The following KCNG2 variants were observed in gnomAD, a reference collection of about 807,000 sequenced individuals.
KCNG2 encodes the protein voltage-gated potassium channel regulatory subunit KCNG2.
A neutral mutation model predicts 12.3 loss-of-function variants in KCNG2; 7 were observed. The observed-to-expected ratio is 0.57, with a 90% CI of 0.32 to 1.07. The LOEUF is 1.07. Ranked by LOEUF, KCNG2 falls within the 50% of genes least tolerant of loss-of-function variation. KCNG2 has a pLI of 0.04. For missense variants in KCNG2, 703 were observed against 726.0 expected (o/e 0.97, Z 0.36); for synonymous variants, 414 against 351.4 (o/e 1.18, Z -1.99).
intron 1 of KCNG2, among the ~76,000 whole-genome samples, chr18:79,804,185 C>T (rs556595061): frequency 9.1e-4 from 138 of 152,326 alleles, no homozygotes; most frequent in African/African-American, 3.2e-3. Context: ...TCACTGCAGG[C>T]CTATGTGACC....
intron 3 of KCNG2, among the ~76,000 whole-genome samples, chr18:79,883,389 C>T (rs1018342146): frequency 6.6e-6 from 1 of 152,220 alleles, no homozygotes; most frequent in Non-Finnish European, 1.5e-5. Flanking sequence ...CTCTGATGAG[C>T]GAGCAGGTCC....
chr18:79,888,483 C>T (rs1220324423), intron 3 of KCNG2, among the ~76,000 whole-genome samples: 20 of 130,450 alleles, frequency 1.5e-4, no homozygotes, highest in African/African-American at 4.2e-4. Context: ...GCCGGGACGG[C>T]GGCGTCCTCC....
At chr18:79,814,741 A>G (rs954170527) in intron 1 of KCNG2, among the ~76,000 whole-genome samples, 3 of 152,220 alleles carry the variant, frequency 2.0e-5, no homozygotes, top group Non-Finnish European at 2.9e-5. Flanking sequence ...CTGCATGTTA[A>G]TCTATTATTA....
chr18:79,877,348 C>G (rs558380132), intron 3 of KCNG2, among the ~76,000 whole-genome samples: 221 of 152,256 alleles, frequency 1.5e-3, no homozygotes, highest in African/African-American at 3.4e-3. Context: ...TCTCAGTGGC[C>G]GCGGCTGTTT....
intron 3 of KCNG2, among the ~76,000 whole-genome samples, chr18:79,895,380 A>G (rs1980928819): frequency 6.7e-6 from 1 of 149,490 alleles, no homozygotes; most frequent in Non-Finnish European, 1.5e-5. Context: ...TCCATTCATA[A>G]TGATTGATAT....
intron 3 of KCNG2, among the ~76,000 whole-genome samples, chr18:79,893,577 T>C (rs988482303): frequency 2.6e-5 from 4 of 152,172 alleles, no homozygotes; most frequent in Non-Finnish European, 5.9e-5. Flanking sequence ...TTGATTGGGT[T>C]GTTCACTGCA....
chr18:79,832,398 C>T (rs915531579), intron 1 of KCNG2, among the ~76,000 whole-genome samples: 3 of 150,992 alleles, frequency 2.0e-5, no homozygotes, highest in Non-Finnish European at 3.0e-5. Context: ...TCCTCACCTG[C>T]TCTCATCTGT....
chr18:79,821,352 CA>C (rs1342238721), intron 1 of KCNG2, among the ~76,000 whole-genome samples: 4 of 145,420 alleles, frequency 2.8e-5, no homozygotes, highest in African/African-American at 7.7e-5. Flanking sequence ...CACAGTGGCG[CA>C]ATCTTGGCTC....
chr18:79,798,795 C>T (rs1029261518), intron 1 of KCNG2, among the ~76,000 whole-genome samples: 16 of 152,338 alleles, frequency 1.1e-4, no homozygotes, highest in African/African-American at 3.6e-4. Flanking sequence ...TGCGGGGCTC[C>T]CGGGTTCGGA....
chr18:79,841,130 G>T (rs1275021907), intron 1 of KCNG2, among the ~76,000 whole-genome samples: 2 of 152,000 alleles, frequency 1.3e-5, no homozygotes, highest in Non-Finnish European at 2.9e-5. Flanking sequence ...AGTCAGCCAG[G>T]CATGGTGGTG....
intron 3 of KCNG2, among the ~76,000 whole-genome samples, chr18:79,873,647 G>A (rs1395992697): frequency 6.6e-6 from 1 of 152,166 alleles, no homozygotes; most frequent in Non-Finnish European, 1.5e-5. Flanking sequence ...TTTCCTGGGA[G>A]CCGGCACACC....
chr18:79,820,857 A>G (rs187083401), intron 1 of KCNG2, among the ~76,000 whole-genome samples: 22 of 152,118 alleles, frequency 1.4e-4, no homozygotes, highest in Middle Eastern at 3.4e-3. Flanking sequence ...CTATGTTGCC[A>G]GGCTGATCTC....
chr18:79,831,714 GCGGACAGAGCCTTCA>G, intron 1 of KCNG2, among the ~76,000 whole-genome samples: 2 of 66,580 alleles, frequency 3.0e-5, no homozygotes, highest in Non-Finnish European at 6.4e-5. Flanking sequence ...AGGGTTCCCT[GCGGACAGAGCCTTCA>G]TCAGGAGGGT....
At chr18:79,872,342 A>G (rs8092688) in intron 3 of KCNG2, among the ~76,000 whole-genome samples, 112,946 of 141,208 alleles carry the variant, frequency 0.8, 48,940 homozygotes, top group Non-Finnish European at 0.95. Context: ...CTGGAGTGCA[A>G]TGGCGCAATC....
chr18:79,847,251 G>A (rs994516096), intron 1 of KCNG2, among the ~76,000 whole-genome samples: 13 of 152,192 alleles, frequency 8.5e-5, no homozygotes, highest in African/African-American at 2.9e-4. Context: ...GGGATGTGGG[G>A]CTTCTCCGTC....
rs1978298897 is a variant in KCNG2, at chr18:79,832,042, C to T, written c.-114-24337C>T. Among the ~76,000 whole-genome samples, 4 of 152,208 alleles carry T rather than the reference C, an allele frequency of 2.6e-5. 1 individual carries two copies. The highest frequency in any genetic ancestry group is 1.3e-4 in the Admixed American group (2 of 15,290). On this transcript the variant is annotated intron_variant, in intron 1 of 3. Coordinates refer to ENST00000316249, the MANE Select transcript of KCNG2 (RefSeq NM_012283.2). ...CAGAAGTTTCTCCATAGCTAGGCAC[C>T]CCCGGGCAGAGCAGGTGTCTGTGGC...
chr18:79,854,310 G>A (rs1190432302), intron 1 of KCNG2, among the ~76,000 whole-genome samples: 3 of 152,178 alleles, frequency 2.0e-5, no homozygotes, highest in Non-Finnish European at 2.9e-5. Flanking sequence ...CCTGGACGCC[G>A]TCACAACACT....
intron 1 of KCNG2, among the ~76,000 whole-genome samples, chr18:79,815,502 G>T (rs553596860): frequency 9.9e-5 from 15 of 151,506 alleles, no homozygotes; most frequent in African/African-American, 3.4e-4. Flanking sequence ...AGTGTTCAGT[G>T]ATGGCTTCTA....
intron 1 of KCNG2, among the ~76,000 whole-genome samples, chr18:79,809,525 G>T (rs2849772): frequency 0.2 from 8,797 of 43,420 alleles, 821 homozygotes; most frequent in South Asian, 0.38. Flanking sequence ...TGCCGGGGCC[G>T]CGCTGACCAC....
Sources: allele counts gnomAD v4.1 joint callset (sites outside exome capture counted in the v4.1 genomes callset), GRCh38; gene constraint gnomAD v4.1.1; transcripts MANE v1.5; gene names NCBI Gene and HGNC (gene_info 2026-07-23, HGNC 2026-07-21).